SNX24: variants seen among roughly 807,000 people sequenced by gnomAD.
SNX24 encodes sorting nexin 24.
Under a neutral mutation model 28.7 loss-of-function variants are expected in SNX24, and 22 were observed. That is an observed-to-expected ratio of 0.77 (90% CI 0.55 to 1.10). The LOEUF (loss-of-function observed/expected upper bound fraction) is 1.10, where lower values mean the gene tolerates loss of function less well. Ranked by LOEUF, SNX24 falls within the 50% of genes least tolerant of loss-of-function variation. The pLI, the probability that SNX24 is intolerant of heterozygous loss-of-function variation, is 0.00. For synonymous variants in SNX24, 69 were observed against 71.5 expected, an observed-to-expected ratio of 0.96 and a Z score of 0.18; for missense variants, 221 against 201.1, an observed-to-expected ratio of 1.10 and a Z score of -0.60.
chr5:122,876,953 C>T (rs1438305719), intron 1 of SNX24, among the ~76,000 whole-genome samples: 1 of 152,086 alleles, frequency 6.6e-6, no homozygotes, highest in Non-Finnish European at 1.5e-5. Context: ...TGCAGGAGGT[C>T]AGTGGTGGTT....
At chr5:122,958,723 A>AT (rs35641261) in intron 3 of SNX24, among the ~76,000 whole-genome samples, 99,119 of 151,076 alleles carry the variant, frequency 0.66, 33,713 homozygotes, top group African/African-American at 0.84. Context: ...TAATTTTTAA[A>AT]TTTTTTTTGT....
At chr5:122,966,065 T>G (rs868164236) in intron 3 of SNX24, among the ~76,000 whole-genome samples, 2 of 152,224 alleles carry the variant, frequency 1.3e-5, no homozygotes, top group Non-Finnish European at 2.9e-5. Flanking sequence ...TTTCCTATGA[T>G]TTTTAGTGCC....
chr5:122,967,533 A>C (rs1760762093), intron 3 of SNX24, among the ~76,000 whole-genome samples: 1 of 152,192 alleles, frequency 6.6e-6, no homozygotes, highest in Non-Finnish European at 1.5e-5. Context: ...GGGGAGCAGA[A>C]AGCAGCCAGG....
chr5:123,023,807 AACACACACACACACACAC>A, intron 5 of SNX24: 1 of 1,293,846 alleles, frequency 7.7e-7, no homozygotes, highest in African/African-American at 1.6e-5. Context: ...AAGACAACAC[AACACACACACACACACAC>A]ACACACACAC....
chr5:122,998,289 C>T (rs751838566), intron 3 of SNX24: 3 of 151,818 alleles, frequency 2.0e-5, no homozygotes, highest in African/African-American at 4.8e-5. Flanking sequence ...GATGGGAAAA[C>T]GCTTAGAGAG....
chr5:122,962,629 C>A (rs1760531679), intron 3 of SNX24, among the ~76,000 whole-genome samples: 1 of 152,204 alleles, frequency 6.6e-6, no homozygotes, highest in South Asian at 2.1e-4. Flanking sequence ...AATGATCCTT[C>A]AGAGGTGGCA....
At chr5:122,854,418 G>C (rs531700511) in intron 1 of SNX24, among the ~76,000 whole-genome samples, 1 of 151,588 alleles carries the variant, frequency 6.6e-6, no homozygotes, top group South Asian at 2.1e-4. Context: ...TGAGGCAGGA[G>C]AATGGCGTGA....
chr5:122,928,092 G>C (rs571952558), intron 1 of SNX24, among the ~76,000 whole-genome samples: 1 of 152,086 alleles, frequency 6.6e-6, no homozygotes, highest in African/African-American at 2.4e-5. Context: ...TATCCTGTTG[G>C]TTCTACTTTC....
chr5:122,961,672 C>G (rs1006620362), intron 3 of SNX24, among the ~76,000 whole-genome samples: 1 of 152,138 alleles, frequency 6.6e-6, no homozygotes, highest in African/African-American at 2.4e-5. Flanking sequence ...TTAAATAGAT[C>G]TAGATGATGA....
intron 1 of SNX24, among the ~76,000 whole-genome samples, chr5:122,913,044 C>T (rs1244730274): frequency 1.3e-5 from 2 of 152,118 alleles, no homozygotes; most frequent in Admixed American, 1.3e-4. Flanking sequence ...GGTCATAGAT[C>T]AACAGGATCC....
chr5:122,893,412 A>G (rs1013139425), intron 1 of SNX24, among the ~76,000 whole-genome samples: 2 of 152,006 alleles, frequency 1.3e-5, no homozygotes, highest in Non-Finnish European at 2.9e-5. Flanking sequence ...GTATGTAGAA[A>G]CCAAGATCTG....
chr5:122,988,457 A>G (rs1761696550), intron 3 of SNX24, among the ~76,000 whole-genome samples: 1 of 152,244 alleles, frequency 6.6e-6, no homozygotes, highest in Non-Finnish European at 1.5e-5. Context: ...ACTTGCTAGA[A>G]TATTAGTGTA....
At chr5:122,922,916 A>G (rs1758503298) in intron 1 of SNX24, among the ~76,000 whole-genome samples, 1 of 152,206 alleles carries the variant, frequency 6.6e-6, no homozygotes, top group African/African-American at 2.4e-5. Flanking sequence ...AGCACATGGT[A>G]TGTGCTCAAA....
At chr5:122,995,948 C>T (rs1018161142) in intron 3 of SNX24, among the ~76,000 whole-genome samples, 8 of 152,102 alleles carry the variant, frequency 5.3e-5, no homozygotes, top group Middle Eastern at 3.2e-3. Context: ...AACCCAGCAA[C>T]GATAGAGTGG....
chr5:122,971,286 G>A (rs561996241), intron 3 of SNX24, among the ~76,000 whole-genome samples: 13 of 152,290 alleles, frequency 8.5e-5, no homozygotes, highest in African/African-American at 2.4e-4. Flanking sequence ...TCTTGGTTGC[G>A]CTGGCAGATG....
chr5:122,867,008 C>T (rs1414353278), intron 1 of SNX24, among the ~76,000 whole-genome samples: 2 of 152,148 alleles, frequency 1.3e-5, no homozygotes, highest in Non-Finnish European at 2.9e-5. Context: ...ATTCCCATTT[C>T]TACCCCTTGA....
rs187813663 is a variant in SNX24, at chr5:122,961,861, A to G, written c.249+15702A>G. Among the ~76,000 whole-genome samples, 436 of 152,332 alleles carry G rather than the reference A, an allele frequency of 2.9e-3. 3 individuals carry two copies. Among genetic ancestry groups the G allele is most frequent in the African/African-American group, 9.8e-3 (408 of 41,586 alleles). On this transcript the variant is annotated intron_variant, in intron 3 of 6. Coordinates refer to ENST00000261369, the MANE Select transcript of SNX24 (RefSeq NM_014035.4). ...TTTTTCATACAGAAAAACCCTAACT[A>G]CTTATTTAGGATTTAGCAGACAAGT...
chr5:122,939,658 G>C (rs30041), intron 2 of SNX24, among the ~76,000 whole-genome samples: 117,051 of 152,124 alleles, frequency 0.77, 45,914 homozygotes, highest in East Asian at 0.99. Flanking sequence ...TTTAGTTTTT[G>C]TAGATTGTAT....
chr5:122,868,555 T>C (rs908851633), intron 1 of SNX24, among the ~76,000 whole-genome samples: 1 of 152,160 alleles, frequency 6.6e-6, no homozygotes, highest in Non-Finnish European at 1.5e-5. Flanking sequence ...CCACGGATAC[T>C]TCAGGCACCA....
Sources: gnomAD v4.1 joint callset for allele counts (sites outside exome capture counted in the v4.1 genomes callset) on GRCh38, gnomAD v4.1.1 for gene constraint, MANE v1.5 for transcripts, NCBI Gene and HGNC (gene_info 2026-07-23, HGNC 2026-07-21) for gene names.